Variants in ITSN2 observed in about 807,000 individuals in gnomAD.
ITSN2 encodes the protein intersectin 2.
Under a neutral mutation model 243.7 loss-of-function variants are expected in ITSN2, and 156 were observed. The ratio of observed to expected loss-of-function variants is 0.64; its 90% CI spans 0.56 to 0.73. ITSN2 has a LOEUF of 0.73. Among genes scored for constraint, ITSN2 ranks in the 30% least tolerant of loss-of-function variants. The probability of loss-of-function intolerance (pLI) is 0.00; values close to 1 mark genes in which losing one functional copy is unlikely to be tolerated. For synonymous variants in ITSN2, 703 were observed against 699.9 expected (o/e 1.00, Z -0.07); for missense variants, 1,801 against 1,996.1 (o/e 0.90, Z 1.86).
intron 17 of ITSN2, among the ~76,000 whole-genome samples, chr2:24,284,427 T>G (rs182418033): frequency 6.6e-6 from 1 of 152,342 alleles, no homozygotes; most frequent in East Asian, 1.9e-4. Flanking sequence ...GTAAGTGATT[T>G]AATCTCACAT....
Position 24,208,842 on chromosome 2 carries a change from A to G in ITSN2, c.4595+258T>C, listed in dbSNP as rs1669192339. Among the ~76,000 whole-genome samples the G allele has an allele frequency of 2.0e-5, 3 of 152,200 alleles. No homozygotes were observed. The South Asian group carries it at 6.2e-4, about 31-fold the overall frequency. On this transcript the variant is annotated intron_variant, in intron 36 of 39. Coordinates refer to ENST00000355123, the MANE Select transcript of ITSN2 (RefSeq NM_006277.3). The stretch of plus-strand genomic sequence containing the variant: ...GGGCAGCCCCTGCAGGGACTGTAGC[A>G]GGGCCTCAGGTGCTGATCTGCCATT...
At chr2:24,222,674 T>C (rs866748500) in intron 29 of ITSN2, among the ~76,000 whole-genome samples, 1,689 of 134,856 alleles carry the variant, frequency 0.013, 11 homozygotes, top group African/African-American at 0.046. Context: ...TTTTCTTTTT[T>C]TTTTTTTTTT....
At chr2:24,296,799 T>C (rs1681023292) in intron 13 of ITSN2, among the ~76,000 whole-genome samples, 1 of 152,220 alleles carries the variant, frequency 6.6e-6, no homozygotes, top group Non-Finnish European at 1.5e-5. Context: ...GGGTTAAAAC[T>C]TACTGATGAT....
At chr2:24,301,275 G>A (rs371946633) in intron 10 of ITSN2, 36 bp from the exon 11 acceptor site, 9 of 1,324,978 alleles carry the variant, frequency 6.8e-6, no homozygotes, top group Admixed American at 1.8e-5. Context: ...GCATCATGTA[G>A]TCTGGACATT....
Position 24,240,988 on chromosome 2 carries a change from TG to T in ITSN2, c.3577+5140del, listed in dbSNP as rs537423271. On this transcript the variant is annotated intron_variant, in intron 29 of 39. Coordinates refer to ENST00000355123, the MANE Select transcript of ITSN2 (RefSeq NM_006277.3). ...CTTATGTCAAAGTAGCCAATATGGT[TG>T]AAGAACAGGTATTAGAGAAGTCTGA... 5.3e-5 allele frequency: 8 copies of T among 152,292 alleles called. 1 individual carries two copies. In the East Asian group the frequency reaches 1.5e-3, roughly 29 times the overall value. 9.4% of individuals were successfully genotyped at this position (152,292 alleles called of 1,614,324 possible).
At chr2:24,253,455 ACATGACGTTCCCCCGTTCCTTGGCT>A (rs1156811582) in intron 24 of ITSN2, among the ~76,000 whole-genome samples, 4 of 152,224 alleles carry the variant, frequency 2.6e-5, no homozygotes, top group African/African-American at 7.2e-5. Context: ...TTCACTGGTG[ACATGACGTTCCCCCGTTCCTTGGCT>A]CATGCCATTC....
intron 20 of ITSN2, among the ~76,000 whole-genome samples, chr2:24,268,188 G>A (rs1400775658): frequency 1.3e-5 from 2 of 152,192 alleles, no homozygotes; most frequent in Non-Finnish European, 2.9e-5. Context: ...CATCGAAAAT[G>A]TGGCCAAGAC....
chr2:24,229,879 C>T (rs1248645860), intron 29 of ITSN2, among the ~76,000 whole-genome samples: 1 of 152,108 alleles, frequency 6.6e-6, no homozygotes, highest in Non-Finnish European at 1.5e-5. Context: ...TCCCACCTCA[C>T]TGGTCTGCCC....
At chr2:24,268,304 T>C (rs6725122) in intron 20 of ITSN2, among the ~76,000 whole-genome samples, 149,161 of 152,298 alleles carry the variant, frequency 0.98, 73,044 homozygotes, top group East Asian at 0.99. Context: ...AATTTGGAAG[T>C]CCTGGGACCT....
At chr2:24,299,220 A>G (rs1362170747) in intron 12 of ITSN2, among the ~76,000 whole-genome samples, 1 of 152,012 alleles carries the variant, frequency 6.6e-6, no homozygotes, top group Non-Finnish European at 1.5e-5. Flanking sequence ...TTTTGTAGAG[A>G]GAGGGTTTCA....
At chr2:24,326,751 C>T (rs1213208197) in intron 2 of ITSN2, 1 of 168,996 alleles carries the variant, frequency 5.9e-6, no homozygotes, top group East Asian at 1.9e-4. Flanking sequence ...CATGACCTCA[C>T]CACACAGAAT....
At chr2:24,347,451 C>G (rs182793696) in intron 1 of ITSN2, among the ~76,000 whole-genome samples, 1 of 152,136 alleles carries the variant, frequency 6.6e-6, no homozygotes, top group Non-Finnish European at 1.5e-5. Context: ...CTTTGGGAGG[C>G]TGAAGCAGGT....
In ITSN2 at chr2:24,257,451, CCTTT is replaced by C. The variant is rs981238341; in HGVS notation, c.2888+433_2888+436del. 7.4e-4 allele frequency among the ~76,000 whole-genome samples: 112 copies of C among 151,856 alleles called. 2 individuals carry two copies. The highest frequency in any genetic ancestry group is 2.5e-3 in the African/African-American group (103 of 41,420). On this transcript the variant is annotated intron_variant, in intron 23 of 39. Transcript: ENST00000355123. ...TATGCTTTTTTCATCCTAAGAATTA[CCTTT>C]CTTTTTTCTTTTTTTTTTTAATACG... is the stretch of plus-strand genomic sequence containing the variant.
intron 36 of ITSN2, 141 bp from the exon 37 acceptor site, chr2:24,208,460 A>G: frequency 1.5e-6 from 1 of 664,162 alleles, no homozygotes; most frequent in Non-Finnish European, 2.7e-6. Context: ...GATATTAGTC[A>G]ACTGAAAGAT....
intron 2 of ITSN2, among the ~76,000 whole-genome samples, chr2:24,322,846 T>C (rs1272743701): frequency 6.6e-6 from 1 of 151,874 alleles, no homozygotes; most frequent in Non-Finnish European, 1.5e-5. Flanking sequence ...TCAGCATATA[T>C]ACAGAACTAT....
At chr2:24,304,089 CT>C (rs1367381351) in intron 8 of ITSN2, among the ~76,000 whole-genome samples, 1 of 152,180 alleles carries the variant, frequency 6.6e-6, no homozygotes, top group African/African-American at 2.4e-5. Flanking sequence ...GTGCTGTCCC[CT>C]GTCTTTTCAG....
At chr2:24,238,597 C>T (rs374368653) in intron 29 of ITSN2, among the ~76,000 whole-genome samples, 1 of 152,154 alleles carries the variant, frequency 6.6e-6, no homozygotes, top group South Asian at 2.1e-4. Flanking sequence ...TAAGTTCCAT[C>T]CAATCTTTTT....
intron 1 of ITSN2, among the ~76,000 whole-genome samples, chr2:24,333,797 A>C (rs1241106543): frequency 6.6e-6 from 1 of 152,264 alleles, no homozygotes; most frequent in Non-Finnish European, 1.5e-5. Context: ...CTAGAACAAA[A>C]GCAGGAAATC....
At chr2:24,273,605 T>C (rs1255867040) in intron 18 of ITSN2, 1 of 152,218 alleles carries the variant, frequency 6.6e-6, no homozygotes, top group Non-Finnish European at 1.5e-5. Context: ...CAGGTAATCA[T>C]GGCCACATAA....
Sources: allele counts gnomAD v4.1 joint callset (sites outside exome capture counted in the v4.1 genomes callset), GRCh38; gene constraint gnomAD v4.1.1; transcripts MANE v1.5; gene names NCBI Gene and HGNC (gene_info 2026-07-23, HGNC 2026-07-21).